NFYC: variants seen among roughly 807,000 people sequenced by gnomAD.
NFYC encodes the protein CAAT box DNA-binding protein subunit C.
In NFYC, 25 loss-of-function variants were observed where a neutral mutation model predicts 53.1. The observed-to-expected ratio is 0.47, with a 90% confidence interval of 0.34 to 0.66. NFYC has a LOEUF of 0.66. NFYC is among the 30% of genes least tolerant of loss of function. NFYC has a pLI of 0.01. For synonymous variants in NFYC, 145 were observed against 152.6 expected, an observed-to-expected ratio of 0.95 and a Z score of 0.37; for missense variants, 260 against 422.7, an observed-to-expected ratio of 0.62 and a Z score of 3.38.
At chr1:40,694,909 T>A (rs1261983426) in intron 1 of NFYC, among the ~76,000 whole-genome samples, 1 of 152,236 alleles carries the variant, frequency 6.6e-6, no homozygotes, top group Non-Finnish European at 1.5e-5. Flanking sequence ...ATTTAATTCT[T>A]ATGACAAATC....
intron 2 of NFYC, among the ~76,000 whole-genome samples, chr1:40,739,470 T>G (rs1244495798): frequency 1.3e-5 from 2 of 152,182 alleles, no homozygotes; most frequent in African/African-American, 4.8e-5. Context: ...AGGGGCCGTC[T>G]TATGCATAAC....
At chr1:40,695,269 A>G (rs1643066149) in intron 1 of NFYC, among the ~76,000 whole-genome samples, 3 of 152,166 alleles carry the variant, frequency 2.0e-5, no homozygotes, top group South Asian at 2.1e-4. Context: ...CCAAAACTGT[A>G]CTAGAGAAGA....
rs1031483327 is a variant in NFYC, at chr1:40,704,313, T to C, written c.-9+12446T>C. On this transcript the variant is annotated intron_variant, in intron 1 of 9. Coordinates refer to ENST00000447388, the MANE Select transcript of NFYC (RefSeq NM_014223.5). ...GTCTCGATCTCCTGAATTCGTGATC[T>C]GCCCCCCTCAGCCTCCCAAAGTGCT... 1.1e-4 allele frequency among the ~76,000 whole-genome samples: 16 copies of C among 152,264 alleles called. 1 individual carries two copies. The South Asian group carries it at 1.7e-3, about 16-fold the overall frequency.
At chr1:40,693,040 C>T (rs1366221010) in intron 1 of NFYC, among the ~76,000 whole-genome samples, 2 of 152,078 alleles carry the variant, frequency 1.3e-5, no homozygotes, top group Non-Finnish European at 2.9e-5. Context: ...GTTAGGTTCC[C>T]CTTTAAGGGA....
At chr1:40,733,011 C>CG (rs1180772992) in intron 1 of NFYC, among the ~76,000 whole-genome samples, 80 of 74,796 alleles carry the variant, frequency 1.1e-3, no homozygotes, top group African/African-American at 3.3e-3. Flanking sequence ...AAGATTCGCC[C>CG]CCCCCCCCTT....
intron 1 of NFYC, among the ~76,000 whole-genome samples, chr1:40,721,190 T>C (rs1296950162): frequency 6.6e-6 from 1 of 152,358 alleles, no homozygotes. Flanking sequence ...TTAGTGAATG[T>C]GTAGACAGTG....
At chr1:40,698,155 G>A (rs978489834) in intron 1 of NFYC, among the ~76,000 whole-genome samples, 3 of 152,134 alleles carry the variant, frequency 2.0e-5, no homozygotes, top group African/African-American at 7.2e-5. Context: ...CTGAAGTCAA[G>A]AGTTTGTGAC....
At chr1:40,753,655 T>C (rs939771847) in intron 5 of NFYC, among the ~76,000 whole-genome samples, 2 of 152,214 alleles carry the variant, frequency 1.3e-5, no homozygotes, top group African/African-American at 4.8e-5. Context: ...TCTTCCTCTA[T>C]ATTGTGGTTC....
intron 1 of NFYC, among the ~76,000 whole-genome samples, chr1:40,714,041 G>T (rs535634324): frequency 1.3e-5 from 2 of 152,318 alleles, no homozygotes. Flanking sequence ...CACCTGTGAG[G>T]TATTCCAGAA....
chr1:40,704,796 G>C (rs1273731654), intron 1 of NFYC, among the ~76,000 whole-genome samples: 1 of 152,126 alleles, frequency 6.6e-6, no homozygotes, highest in African/African-American at 2.4e-5. Context: ...GAAAAACCTG[G>C]GTTTCCAGCA....
At chr1:40,699,578 C>G (rs992073730) in intron 1 of NFYC, among the ~76,000 whole-genome samples, 1 of 152,162 alleles carries the variant, frequency 6.6e-6, no homozygotes, top group African/African-American at 2.4e-5. Flanking sequence ...GCCAAGAATG[C>G]TTGGTTGGCA....
intron 8 of NFYC, chr1:40,768,571 G>A (rs1646933240): frequency 6.6e-6 from 1 of 152,224 alleles, no homozygotes; most frequent in South Asian, 2.1e-4. Context: ...CTGGCCAAAT[G>A]TTCCATAGGA....
At chr1:40,735,895 TA>T (rs1259126350) in intron 1 of NFYC, 1 of 345,094 alleles carries the variant, frequency 2.9e-6, no homozygotes, top group Non-Finnish European at 4.1e-6. Flanking sequence ...GATAAATAAC[TA>T]AACTTCTCTA....
At chr1:40,730,503 A>G (rs1644721368) in intron 1 of NFYC, 3 of 955,570 alleles carry the variant, frequency 3.1e-6, no homozygotes, top group Non-Finnish European at 3.7e-6. Context: ...GTGAAGCACA[A>G]TAAAGTGAAA....
rs1344037584 is a variant in NFYC, at chr1:40,738,242, C to G, written c.-8-594C>G. The stretch of plus-strand genomic sequence containing the variant: ...AGAGACAGACGCTTGCTATGTTGCC[C>G]AGGCTGTCTTGAACTCTTGGGCCCA... On this transcript the variant is annotated intron_variant, in intron 1 of 9. Coordinates refer to ENST00000447388, the MANE Select transcript of NFYC (RefSeq NM_014223.5). 3.3e-5 allele frequency among the ~76,000 whole-genome samples: 5 copies of G among 152,182 alleles called. No homozygotes were observed. In the East Asian group the frequency reaches 9.6e-4, roughly 29 times the overall value.
chr1:40,722,807 C>T (rs1419773286), intron 1 of NFYC, among the ~76,000 whole-genome samples: 2 of 152,140 alleles, frequency 1.3e-5, no homozygotes, highest in South Asian at 2.1e-4. Context: ...ATGTATTTAC[C>T]TCGTGCTTTA....
At chr1:40,698,378 A>T (rs926538573) in intron 1 of NFYC, among the ~76,000 whole-genome samples, 7 of 151,702 alleles carry the variant, frequency 4.6e-5, no homozygotes, top group Non-Finnish European at 1.0e-4. Context: ...AAAAAAAAAA[A>T]TTCACGTTCA....
In NFYC at chr1:40,759,234, A is replaced by T. The variant is rs1374545183; in HGVS notation, c.561+940A>T. Among the ~76,000 whole-genome samples, 86 of 40,420 alleles carry T rather than the reference A, an allele frequency of 2.1e-3. 1 individual carries two copies. The highest frequency in any genetic ancestry group is 0.014 in the East Asian group (2 of 148). The allele number at this position is 40,420 out of a possible 152,430, so 26.5% of individuals were successfully genotyped here. On this transcript the variant is annotated intron_variant, in intron 6 of 9. Coordinates refer to ENST00000447388, the MANE Select transcript of NFYC (RefSeq NM_014223.5). ...GCACAGCAAGACCTCTTCTTTAATT[A>T]AAAAAAAAAAAAAAAGGCAGGGGCA... is the stretch of plus-strand genomic sequence containing the variant.
At chr1:40,748,086 T>C (rs1426979520) in intron 3 of NFYC, among the ~76,000 whole-genome samples, 2 of 152,228 alleles carry the variant, frequency 1.3e-5, no homozygotes. Flanking sequence ...TATGCCTGCC[T>C]CTGCCTCCCA....
Sources: gnomAD v4.1 joint callset for allele counts (sites outside exome capture counted in the v4.1 genomes callset) on GRCh38, gnomAD v4.1.1 for gene constraint, MANE v1.5 for transcripts, NCBI Gene and HGNC (gene_info 2026-07-23, HGNC 2026-07-21) for gene names.